CDH13: variants seen among roughly 807,000 people sequenced by gnomAD.
The protein encoded by CDH13 is cadherin-13.
CDH13 carries 24 observed loss-of-function variants against 63.8 expected under a neutral mutation model. The observed-to-expected ratio is 0.38, with a 90% confidence interval of 0.27 to 0.53. CDH13 has a LOEUF of 0.53. CDH13 is among the 20% of genes least tolerant of loss of function. The pLI is 0.85. For missense variants in CDH13, 1,049 were observed against 903.1 expected (o/e 1.16, Z -2.07); for synonymous variants, 503 against 355.3 (o/e 1.42, Z -4.67).
chr16:83,315,415 T>G (rs1247661737), intron 5 of CDH13, among the ~76,000 whole-genome samples: 1 of 152,222 alleles, frequency 6.6e-6, no homozygotes, highest in Non-Finnish European at 1.5e-5. Context: ...GTTAACTGTG[T>G]GCACATTTAA....
At chr16:83,199,304 A>C (rs1233463013) in intron 4 of CDH13, among the ~76,000 whole-genome samples, 1 of 152,226 alleles carries the variant, frequency 6.6e-6, no homozygotes, top group Admixed American at 6.5e-5. Flanking sequence ...GCCTGGAAAT[A>C]ATCAGCCCTG....
intron 8 of CDH13, among the ~76,000 whole-genome samples, chr16:83,613,790 G>A (rs796162985): frequency 6.6e-6 from 1 of 152,226 alleles, no homozygotes; most frequent in South Asian, 2.1e-4. Context: ...CTGAGATCAT[G>A]CCACCGCACT....
intron 2 of CDH13, among the ~76,000 whole-genome samples, chr16:82,928,858 C>T (rs1488704408): frequency 6.6e-6 from 1 of 152,196 alleles, no homozygotes; most frequent in Non-Finnish European, 1.5e-5. Flanking sequence ...AACACTTAGC[C>T]TCTTTTCTTC....
At chr16:83,171,333 A>T (rs1489848608) in intron 4 of CDH13, among the ~76,000 whole-genome samples, 1 of 152,128 alleles carries the variant, frequency 6.6e-6, no homozygotes, top group Non-Finnish European at 1.5e-5. Flanking sequence ...GGATGGTCCT[A>T]AACCATTCAT....
chr16:82,794,253 C>G (rs1224695717), intron 1 of CDH13, among the ~76,000 whole-genome samples: 1 of 150,290 alleles, frequency 6.7e-6, no homozygotes, highest in African/African-American at 2.4e-5. Context: ...TCTTCTTCTT[C>G]CACTGTGGCC....
chr16:82,797,838 C>T (rs917053982), intron 1 of CDH13, among the ~76,000 whole-genome samples: 9 of 149,798 alleles, frequency 6.0e-5, no homozygotes, highest in African/African-American at 1.7e-4. Context: ...TACTTTTCCC[C>T]CTGTAATAGG....
At chr16:83,202,498 C>G (rs890064850) in intron 4 of CDH13, among the ~76,000 whole-genome samples, 1 of 152,150 alleles carries the variant, frequency 6.6e-6, no homozygotes, top group African/African-American at 2.4e-5. Context: ...AACCTCAAAG[C>G]TGTCTACACA....
chr16:82,782,496 G>A (rs1313984437), intron 1 of CDH13, among the ~76,000 whole-genome samples: 2 of 150,934 alleles, frequency 1.3e-5, no homozygotes, highest in African/African-American at 2.4e-5. Flanking sequence ...AGGTTGCAGT[G>A]AGCCAAGATC....
chr16:83,064,337 C>G (rs2031827450), intron 3 of CDH13, among the ~76,000 whole-genome samples: 1 of 147,604 alleles, frequency 6.8e-6, no homozygotes, highest in Non-Finnish European at 1.5e-5. Context: ...CCATTGCACT[C>G]CAGCCTGGGT....
At chr16:83,777,029 A>T (rs1424755818) in intron 11 of CDH13, among the ~76,000 whole-genome samples, 1 of 152,012 alleles carries the variant, frequency 6.6e-6, no homozygotes, top group Non-Finnish European at 1.5e-5. Context: ...CCCACTTCCC[A>T]CTGCACTCTG....
chr16:83,461,292 A>T (rs191012314), intron 6 of CDH13, among the ~76,000 whole-genome samples: 2 of 152,274 alleles, frequency 1.3e-5, no homozygotes, highest in East Asian at 3.9e-4. Flanking sequence ...AGTATCAGCT[A>T]TGTAACATTT....
chr16:82,769,282 G>C (rs1279365283), intron 1 of CDH13, among the ~76,000 whole-genome samples: 1 of 152,150 alleles, frequency 6.6e-6, no homozygotes, highest in Non-Finnish European at 1.5e-5. Flanking sequence ...TACTTAAACT[G>C]TTATTTGGTG....
At chr16:83,285,293 C>T (rs532520645) in intron 5 of CDH13, among the ~76,000 whole-genome samples, 1 of 152,192 alleles carries the variant, frequency 6.6e-6, no homozygotes, top group East Asian at 1.9e-4. Flanking sequence ...TGGTCCTAGT[C>T]AATTTCTCCT....
intron 6 of CDH13, among the ~76,000 whole-genome samples, chr16:83,453,113 CT>C (rs2072927076): frequency 6.6e-6 from 1 of 152,186 alleles, no homozygotes; most frequent in Non-Finnish European, 1.5e-5. Context: ...AGTGAAGTAA[CT>C]GGGGAATGGA....
intron 6 of CDH13, among the ~76,000 whole-genome samples, chr16:83,389,930 C>T (rs8052595): frequency 0.42 from 63,284 of 152,064 alleles, 14,845 homozygotes; most frequent in African/African-American, 0.67. Flanking sequence ...GTCTCTCCAA[C>T]GCTTTAACTA....
At chr16:82,725,172 G>A (rs561337294) in intron 1 of CDH13, among the ~76,000 whole-genome samples, 10 of 152,126 alleles carry the variant, frequency 6.6e-5, no homozygotes, top group African/African-American at 2.2e-4. Context: ...TAATGGCGAT[G>A]ATGATGATTT....
At chr16:83,505,319 C>A (rs562798728) in intron 7 of CDH13, among the ~76,000 whole-genome samples, 1 of 152,112 alleles carries the variant, frequency 6.6e-6, no homozygotes. Context: ...CCTTAGTGTA[C>A]GCTGGACAAC....
intron 7 of CDH13, among the ~76,000 whole-genome samples, chr16:83,492,996 C>A (rs771282243): frequency 6.6e-6 from 1 of 151,992 alleles, no homozygotes; most frequent in Non-Finnish European, 1.5e-5. Flanking sequence ...GCATAGACTA[C>A]CTGTGTTTTT....
At chr16:83,079,916 C>T (rs890900045) in intron 3 of CDH13, among the ~76,000 whole-genome samples, 27 of 152,328 alleles carry the variant, frequency 1.8e-4, no homozygotes, top group African/African-American at 5.5e-4. Context: ...CAGCCTAATG[C>T]TGATAGACAA....
Sources: gnomAD v4.1 joint callset for allele counts (sites outside exome capture counted in the v4.1 genomes callset) on GRCh38, gnomAD v4.1.1 for gene constraint, MANE v1.5 for transcripts, NCBI Gene and HGNC (gene_info 2026-07-23, HGNC 2026-07-21) for gene names.